PPP3CB: variants seen among roughly 807,000 people sequenced by gnomAD.
PPP3CB encodes protein phosphatase 3 catalytic subunit beta.
In PPP3CB, 8 loss-of-function variants were observed where a neutral mutation model predicts 66.4. The ratio of observed to expected loss-of-function variants is 0.12; its 90% CI spans 0.07 to 0.22. The LOEUF (loss-of-function observed/expected upper bound fraction) is 0.22. PPP3CB is among the 10% of genes least tolerant of loss of function. The pLI, the probability that PPP3CB is intolerant of heterozygous loss-of-function variation, is 1.00. For synonymous variants in PPP3CB, 208 were observed against 221.2 expected, an observed-to-expected ratio of 0.94 and a Z score of 0.53; for missense variants, 319 against 642.5, an observed-to-expected ratio of 0.50 and a Z score of 5.44.
intron 9 of PPP3CB, among the ~76,000 whole-genome samples, chr10:73,459,325 A>C (rs529736402): frequency 6.6e-6 from 1 of 152,076 alleles, no homozygotes; most frequent in African/African-American, 2.4e-5. Context: ...GTCTCTACTA[A>C]AAATATAAAA....
chr10:73,449,801 C>CT (rs767489105), intron 10 of PPP3CB, among the ~76,000 whole-genome samples: 90 of 146,026 alleles, frequency 6.2e-4, no homozygotes, highest in Middle Eastern at 3.5e-3. Context: ...CTAATCTTAG[C>CT]TTTTTTTTTT....
chr10:73,495,740 C>G, intron 1 of PPP3CB, 65 bp downstream of exon 1: 1 of 1,531,054 alleles, frequency 6.5e-7, no homozygotes, highest in Non-Finnish European at 8.8e-7. Context: ...GGGACGGTCT[C>G]CCGCCCGCCC....
intron 11 of PPP3CB, among the ~76,000 whole-genome samples, chr10:73,445,343 C>T (rs1167884231): frequency 5.9e-5 from 9 of 152,210 alleles, no homozygotes; most frequent in Admixed American, 5.9e-4. Flanking sequence ...TTAGTGTTAT[C>T]ACAAACGGAA....
At chr10:73,490,744 C>T (rs893571947) in intron 1 of PPP3CB, among the ~76,000 whole-genome samples, 3 of 152,120 alleles carry the variant, frequency 2.0e-5, no homozygotes, top group African/African-American at 7.2e-5. Flanking sequence ...CCCTCTCCCT[C>T]TCACCCCATC....
intron 3 of PPP3CB, chr10:73,477,082 T>C: frequency 6.0e-6 from 3 of 497,628 alleles, no homozygotes; most frequent in South Asian, 2.9e-5. Context: ...TTACTAATAA[T>C]ACCTTGGGCA....
chr10:73,482,018 T>C (rs2056887538), intron 1 of PPP3CB, among the ~76,000 whole-genome samples: 3 of 152,176 alleles, frequency 2.0e-5, no homozygotes. Context: ...ATATATGCTA[T>C]AACCAAATTT....
chr10:73,451,485 C>T (rs917252601), intron 10 of PPP3CB, among the ~76,000 whole-genome samples: 10 of 151,484 alleles, frequency 6.6e-5, no homozygotes, highest in Non-Finnish European at 8.8e-5. Context: ...AACTATATAA[C>T]CTTAAATGGA....
At chr10:73,495,614 G>A in intron 1 of PPP3CB, 191 bp downstream of exon 1, 1 of 789,954 alleles carries the variant, frequency 1.3e-6, no homozygotes, top group South Asian at 2.6e-5. Context: ...AAAGCAACCG[G>A]GAGACCGCGG....
chr10:73,470,621 T>C, intron 8 of PPP3CB, 66 bp downstream of exon 8: 1 of 987,850 alleles, frequency 1.0e-6, no homozygotes, highest in Non-Finnish European at 1.5e-6. Context: ...CCTTTTTTAT[T>C]ATATTAAAAA....
At chr10:73,476,942 T>C (rs527712667) in intron 3 of PPP3CB, among the ~76,000 whole-genome samples, 1 of 152,232 alleles carries the variant, frequency 6.6e-6, no homozygotes, top group South Asian at 2.1e-4. Flanking sequence ...AAAAAAGGTA[T>C]ATTGGAAACA....
At chr10:73,492,039 A>T (rs1397218158) in intron 1 of PPP3CB, among the ~76,000 whole-genome samples, 1 of 152,118 alleles carries the variant, frequency 6.6e-6, no homozygotes, top group Non-Finnish European at 1.5e-5. Context: ...ACTAGAAAAC[A>T]CTTTAGCCAA....
At chr10:73,491,023 T>TG in intron 1 of PPP3CB, among the ~76,000 whole-genome samples, 1 of 68,022 alleles carries the variant, frequency 1.5e-5, no homozygotes, top group Admixed American at 1.3e-4. Flanking sequence ...GTTTTTATTG[T>TG]TTTTTTTTTT....
At chr10:73,487,482 A>C (rs1031323232) in intron 1 of PPP3CB, among the ~76,000 whole-genome samples, 4 of 140,822 alleles carry the variant, frequency 2.8e-5, no homozygotes, top group Admixed American at 7.4e-5. Flanking sequence ...TGGGAGGCAG[A>C]GGTTGCAGTG....
At chr10:73,442,216 T>G (rs2056160917) in intron 12 of PPP3CB, among the ~76,000 whole-genome samples, 1 of 152,104 alleles carries the variant, frequency 6.6e-6, no homozygotes, top group South Asian at 2.1e-4. Context: ...CTCAATTCCT[T>G]CCAGTAACTT....
At chr10:73,470,024 G>A (rs1193563553) in intron 8 of PPP3CB, among the ~76,000 whole-genome samples, 1 of 152,116 alleles carries the variant, frequency 6.6e-6, no homozygotes, top group Non-Finnish European at 1.5e-5. Flanking sequence ...GGCACTTTCT[G>A]TCAATAAACT....
chr10:73,465,346 A>G (rs1313049989), intron 9 of PPP3CB, among the ~76,000 whole-genome samples: 1 of 152,118 alleles, frequency 6.6e-6, no homozygotes, highest in African/African-American at 2.4e-5. Context: ...CTCCTGCCTT[A>G]GCCTCCCTAG....
chr10:73,474,382 C>T (rs2056754393), intron 4 of PPP3CB, among the ~76,000 whole-genome samples: 1 of 151,666 alleles, frequency 6.6e-6, no homozygotes. Context: ...ATATAAAACT[C>T]TAAGTATGTT....
chr10:73,495,700 C>T (rs1053831731), intron 1 of PPP3CB, 105 bp downstream of exon 1: 3 of 1,449,376 alleles, frequency 2.1e-6, no homozygotes, highest in Non-Finnish European at 2.7e-6. Context: ...CAGCCAGTCA[C>T]TCGCCCGCCC....
chr10:73,448,384 G>T (rs1166988008), intron 10 of PPP3CB, among the ~76,000 whole-genome samples: 1 of 152,052 alleles, frequency 6.6e-6, no homozygotes, highest in Non-Finnish European at 1.5e-5. Flanking sequence ...CCCTAATCAT[G>T]CAGGGAAAAG....
Sources: gnomAD v4.1 joint callset for allele counts (sites outside exome capture counted in the v4.1 genomes callset) on GRCh38, gnomAD v4.1.1 for gene constraint, MANE v1.5 for transcripts, NCBI Gene and HGNC (gene_info 2026-07-23, HGNC 2026-07-21) for gene names.